Variants in SIPA1L2 observed in about 807,000 individuals in gnomAD.
The protein encoded by SIPA1L2 is signal-induced proliferation-associated 1-like protein 2.
SIPA1L2 carries 56 observed loss-of-function variants against 163.9 expected under a neutral mutation model. That is an observed-to-expected ratio of 0.34 (90% CI 0.28 to 0.43). The LOEUF is 0.43. Ranked by LOEUF, SIPA1L2 falls within the 20% of genes least tolerant of loss-of-function variation. The probability of loss-of-function intolerance (pLI) is 1.00; values close to 1 mark genes in which losing one functional copy is unlikely to be tolerated. For missense variants in SIPA1L2, 1,974 were observed against 2,193.5 expected (o/e 0.90, Z 2.00); for synonymous variants, 877 against 865.7 (o/e 1.01, Z -0.23).
chr1:232,415,675 C>G, intron 18 of SIPA1L2, 50 bp from the exon 19 acceptor site: 1 of 1,610,570 alleles, frequency 6.2e-7, no homozygotes, highest in East Asian at 2.2e-5. Flanking sequence ...AGCACGGGCA[C>G]CAGCCCAGAG....
intron 1 of SIPA1L2, among the ~76,000 whole-genome samples, chr1:232,581,161 A>G (rs1225775391): frequency 6.6e-6 from 1 of 152,112 alleles, no homozygotes; most frequent in Non-Finnish European, 1.5e-5. Context: ...CCTTTCCCAC[A>G]TTCCGTTCTG....
At chr1:232,513,109 GAC>G (rs747536120) in intron 3 of SIPA1L2, among the ~76,000 whole-genome samples, 2 of 152,196 alleles carry the variant, frequency 1.3e-5, no homozygotes, top group Non-Finnish European at 2.9e-5. Flanking sequence ...ATGTGTTACT[GAC>G]ACATGTGGAA....
intron 10 of SIPA1L2, among the ~76,000 whole-genome samples, chr1:232,446,865 C>G (rs1663247892): frequency 6.6e-6 from 1 of 152,234 alleles, no homozygotes; most frequent in South Asian, 2.1e-4. Flanking sequence ...CACAGAGCCA[C>G]CCAGAGTCCT....
intron 18 of SIPA1L2, among the ~76,000 whole-genome samples, chr1:232,421,397 C>CT (rs1466021252): frequency 2.6e-5 from 4 of 151,694 alleles, no homozygotes; most frequent in African/African-American, 9.7e-5. Flanking sequence ...TTTACTGAGT[C>CT]TGAGTTTATT....
chr1:232,592,728 T>G (rs1661028058), intron 1 of SIPA1L2, among the ~76,000 whole-genome samples: 1 of 151,810 alleles, frequency 6.6e-6, no homozygotes, highest in African/African-American at 2.4e-5. Flanking sequence ...TTAGAAAACT[T>G]GTAATAAAAC....
rs747393910 is a variant in SIPA1L2, at chr1:232,425,624, C to T, written c.4595G>A (p.Arg1532Gln). The T allele has an allele frequency of 3.5e-5, 57 of 1,608,610 alleles. No homozygotes were observed. Among genetic ancestry groups the T allele is most frequent in the Non-Finnish European group, 4.8e-5 (56 of 1,177,754 alleles). The change falls in exon 18 of 23, where the codon CGG becomes CAG. Residue 1532 changes from arginine (R) to glutamine (Q), a missense_variant. Transcript: ENST00000674635. ...CCCCATGCTGGGTGCGGGGTGGGCCCGCGGAGGCAGCGTGCTGTGGTAGGG... is the reference window on the plus strand; with the variant it reads ...CCCCATGCTGGGTGCGGGGTGGGCCTGCGGAGGCAGCGTGCTGTGGTAGGG... ...TPPYHSTLPP[R>Q]AHPAPSMGSL... is the part of the protein sequence containing the mutation.
Position 232,418,396 on chromosome 1 carries a change from T to A in SIPA1L2, c.4631-2771A>T, listed in dbSNP as rs576008646. ...TCAATAGAGTGGTTTCCTGACAGTC[T>A]TGAGTGAAATAAGCTCTGACAATTC... is the stretch of plus-strand genomic sequence containing the variant. On this transcript the variant is annotated intron_variant, in intron 18 of 22. Coordinates refer to ENST00000674635, the MANE Select transcript of SIPA1L2 (RefSeq NM_020808.5). Among the ~76,000 whole-genome samples the A allele has an allele frequency of 3.0e-4, 46 of 152,352 alleles. 1 individual carries two copies. The highest frequency in any genetic ancestry group is 6.5e-4 in the Admixed American group (10 of 15,310).
intron 1 of SIPA1L2, among the ~76,000 whole-genome samples, chr1:232,622,954 T>C (rs773605334): frequency 2.6e-4 from 40 of 152,232 alleles, no homozygotes; most frequent in Non-Finnish European, 8.8e-5. Context: ...TGTGAGCCTA[T>C]TATGTGGCAA....
At chr1:232,481,099 T>G (rs774975677) in intron 6 of SIPA1L2, among the ~76,000 whole-genome samples, 1 of 152,220 alleles carries the variant, frequency 6.6e-6, no homozygotes, top group African/African-American at 2.4e-5. Context: ...CAAAAAGTTA[T>G]ATATAAATCA....
intron 1 of SIPA1L2, among the ~76,000 whole-genome samples, chr1:232,579,770 G>A (rs1660275103): frequency 6.6e-6 from 1 of 152,172 alleles, no homozygotes. Flanking sequence ...ACTAAAGGCA[G>A]ATTAATAGGA....
intron 15 of SIPA1L2, among the ~76,000 whole-genome samples, chr1:232,434,832 C>T (rs1379261039): frequency 2.0e-5 from 3 of 152,056 alleles, no homozygotes; most frequent in African/African-American, 7.2e-5. Context: ...TGATAATTAG[C>T]TGCAAGCCTA....
At chr1:232,417,675 A>G (rs535523170) in intron 18 of SIPA1L2, among the ~76,000 whole-genome samples, 2 of 152,264 alleles carry the variant, frequency 1.3e-5, no homozygotes, top group South Asian at 4.1e-4. Flanking sequence ...AAGACCCTCA[A>G]GCAGAAAGGT....
intron 7 of SIPA1L2, among the ~76,000 whole-genome samples, chr1:232,472,185 T>C (rs1287902793): frequency 6.6e-6 from 1 of 152,220 alleles, no homozygotes; most frequent in African/African-American, 2.4e-5. Flanking sequence ...CCTTTACTTT[T>C]GATGTTCCTT....
chr1:232,579,057 C>A lies in SIPA1L2; in HGVS notation c.-318-4835G>T, dbSNP rs188355664. ...TCCCTGGTCTATCACTGCGAGGAGG[C>A]TCCTCACACTTCATCAGGAAGCTCT... On this transcript the variant is annotated intron_variant, in intron 1 of 22. Transcript: ENST00000674635. Among the ~76,000 whole-genome samples the A allele has an allele frequency of 1.3e-3, 196 of 152,272 alleles. 1 individual carries two copies. The highest frequency in any genetic ancestry group is 4.4e-3 in the African/African-American group (184 of 41,558).
chr1:232,411,568 A>T (rs916335170), intron 19 of SIPA1L2, among the ~76,000 whole-genome samples: 2 of 151,116 alleles, frequency 1.3e-5, no homozygotes, highest in Admixed American at 6.6e-5. Flanking sequence ...TATAAATTGC[A>T]GTGTAATTTC....
chr1:232,436,391 G>A (rs1447888327), intron 15 of SIPA1L2, among the ~76,000 whole-genome samples: 2 of 152,196 alleles, frequency 1.3e-5, no homozygotes, highest in African/African-American at 4.8e-5. Flanking sequence ...GTGCTGTGAA[G>A]AAAATAACAC....
chr1:232,539,558 C>T (rs1558254265), intron 2 of SIPA1L2, among the ~76,000 whole-genome samples: 2 of 152,148 alleles, frequency 1.3e-5, no homozygotes, highest in South Asian at 2.1e-4. Context: ...AAATTTGGTA[C>T]AGAGCATCAC....
chr1:232,508,597 C>T (rs1021579106), intron 3 of SIPA1L2, among the ~76,000 whole-genome samples: 1 of 152,182 alleles, frequency 6.6e-6, no homozygotes, highest in African/African-American at 2.4e-5. Flanking sequence ...AACTAGAATC[C>T]CTATCTAAGG....
intron 1 of SIPA1L2, among the ~76,000 whole-genome samples, chr1:232,596,388 A>G (rs1661255119): frequency 6.6e-6 from 1 of 152,236 alleles, no homozygotes; most frequent in Non-Finnish European, 1.5e-5. Context: ...TCAAACACAC[A>G]CTGCCACTGA....
Sources: gnomAD v4.1 joint callset for allele counts (sites outside exome capture counted in the v4.1 genomes callset) on GRCh38, gnomAD v4.1.1 for gene constraint, MANE v1.5 for transcripts, NCBI Gene and HGNC (gene_info 2026-07-23, HGNC 2026-07-21) for gene names.